The following IFT88 variants were observed in gnomAD, a reference collection of about 807,000 sequenced individuals.
IFT88 encodes the protein intraflagellar transport 88.
IFT88 carries 74 observed loss-of-function variants against 119.5 expected under a neutral mutation model. The ratio of observed to expected loss-of-function variants is 0.62; its 90% CI spans 0.51 to 0.75. IFT88 has a LOEUF of 0.75. Among genes scored for constraint, IFT88 ranks in the 30% least tolerant of loss-of-function variants. The probability of loss-of-function intolerance (pLI) is 0.00; values close to 1 mark genes in which losing one functional copy is unlikely to be tolerated. For synonymous variants in IFT88, 279 were observed against 316.7 expected, an observed-to-expected ratio of 0.88 and a Z score of 1.26; for missense variants, 961 against 977.7, an observed-to-expected ratio of 0.98 and a Z score of 0.23.
intron 3 of IFT88, among the ~76,000 whole-genome samples, chr13:20,585,607 C>T (rs1213763712): frequency 4.6e-5 from 7 of 152,182 alleles, no homozygotes; most frequent in Non-Finnish European, 1.0e-4. Flanking sequence ...AGGCTAGTAA[C>T]TCCAGAAGCT....
intron 13 of IFT88, 22 bp downstream of exon 13, chr13:20,605,127 C>T (rs371018393): frequency 1.3e-4 from 134 of 1,013,340 alleles, no homozygotes; most frequent in Admixed American, 1.3e-3. Flanking sequence ...AACTTAATAA[C>T]GTAGTTATTA....
intron 13 of IFT88, 72 bp downstream of exon 13, chr13:20,605,177 A>AT: frequency 1.7e-6 from 1 of 580,260 alleles, no homozygotes; most frequent in Non-Finnish European, 2.9e-6. Context: ...GTATTAAGAT[A>AT]CTTAATATTT....
intron 16 of IFT88, among the ~76,000 whole-genome samples, chr13:20,632,559 G>A (rs1231271881): frequency 2.0e-5 from 3 of 152,182 alleles, no homozygotes; most frequent in African/African-American, 4.8e-5. Flanking sequence ...AGATTTCCAA[G>A]AACTGCCCTT....
At chr13:20,619,729 G>C (rs892132812) in intron 14 of IFT88, among the ~76,000 whole-genome samples, 2 of 151,940 alleles carry the variant, frequency 1.3e-5, no homozygotes, top group African/African-American at 4.8e-5. Flanking sequence ...ATTTCTGTTA[G>C]ATACATACCT....
At chr13:20,648,835 T>C (rs1389736376) in intron 20 of IFT88, among the ~76,000 whole-genome samples, 1 of 152,182 alleles carries the variant, frequency 6.6e-6, no homozygotes, top group African/African-American at 2.4e-5. Context: ...GAAAAAGATA[T>C]TCCAAACAAA....
At chr13:20,636,386 GTTC>G (rs1336376826) in intron 16 of IFT88, among the ~76,000 whole-genome samples, 1 of 152,192 alleles carries the variant, frequency 6.6e-6, no homozygotes, top group Non-Finnish European at 1.5e-5. Context: ...GCAAGTCCTG[GTTC>G]TTCTATATTT....
chr13:20,646,810 C>T (rs1000994266), intron 20 of IFT88, among the ~76,000 whole-genome samples: 3 of 151,298 alleles, frequency 2.0e-5, no homozygotes, highest in Non-Finnish European at 4.4e-5. Context: ...TACTAGATTG[C>T]TTAATTGGTC....
At chr13:20,614,561 T>C (rs1017928621) in intron 13 of IFT88, 3 of 152,070 alleles carry the variant, frequency 2.0e-5, no homozygotes, top group South Asian at 2.1e-4. Context: ...TTAGGAGAGA[T>C]GAAGAAGGGG....
chr13:20,690,600 C>A, intron 24 of IFT88, 105 bp from the exon 25 acceptor site: 1 of 715,516 alleles, frequency 1.4e-6, no homozygotes, highest in Non-Finnish European at 2.4e-6. Flanking sequence ...CCAAATTAAA[C>A]AACCTGCTTG....
intron 9 of IFT88, among the ~76,000 whole-genome samples, chr13:20,597,474 G>T (rs979776502): frequency 6.6e-6 from 1 of 152,060 alleles, no homozygotes; most frequent in Non-Finnish European, 1.5e-5. Context: ...GCCGGGTGCC[G>T]TGGCTCACGC....
chr13:20,581,074 T>C (rs550264576), intron 2 of IFT88, among the ~76,000 whole-genome samples: 29 of 152,294 alleles, frequency 1.9e-4, no homozygotes, highest in Non-Finnish European at 1.5e-5. Context: ...CTCCTCAGGT[T>C]GTTGCACTGT....
At chr13:20,587,983 A>G (rs1445241845) in intron 3 of IFT88, among the ~76,000 whole-genome samples, 1 of 128,262 alleles carries the variant, frequency 7.8e-6, no homozygotes, top group African/African-American at 2.8e-5. Flanking sequence ...TAAATTTGCT[A>G]TCTTACTATT....
At chr13:20,599,743 AGTTAAAG>A (rs1422707585) in intron 11 of IFT88, among the ~76,000 whole-genome samples, 178 bp downstream of exon 11, 1 of 152,130 alleles carries the variant, frequency 6.6e-6, no homozygotes, top group Non-Finnish European at 1.5e-5. Flanking sequence ...TATAATGACA[AGTTAAAG>A]GTTAAAGCAT....
intron 23 of IFT88, among the ~76,000 whole-genome samples, chr13:20,667,796 G>C (rs1218737964): frequency 6.6e-6 from 1 of 151,950 alleles, no homozygotes; most frequent in African/African-American, 2.4e-5. Context: ...AGCTGTATAA[G>C]CTTCTGGCCC....
At chr13:20,578,203 C>A (rs1249097024) in intron 2 of IFT88, among the ~76,000 whole-genome samples, 2 of 151,330 alleles carry the variant, frequency 1.3e-5, no homozygotes, top group East Asian at 3.9e-4. Flanking sequence ...TGCCACCACG[C>A]CTGGCTAATT....
chr13:20,571,041 A>G (rs1315508978), intron 1 of IFT88, among the ~76,000 whole-genome samples: 1 of 151,900 alleles, frequency 6.6e-6, no homozygotes, highest in African/African-American at 2.4e-5. Context: ...TCGCCTAGGC[A>G]GGGGTGTGGT....
chr13:20,667,843 T>C (rs994279509), intron 23 of IFT88, among the ~76,000 whole-genome samples: 3 of 152,156 alleles, frequency 2.0e-5, no homozygotes, highest in Non-Finnish European at 4.4e-5. Flanking sequence ...CACCATTCTT[T>C]ATCCTTCCAG....
Position 20,598,716 on chromosome 13 carries a change from T to C in IFT88, c.660T>C (p.Tyr220=), listed in dbSNP as rs561906001. ...TGTATGCCGAAGCACTTAACACTTA[T>C]CAAGTTATAGTCAAAAATAAGATGT... is the stretch of plus-strand genomic sequence containing the variant. ...NEMYAEALNT[Y]QVIVKNKMFS... The change falls in exon 10 of 26, where the codon TAT becomes TAC. Residue 220 remains tyrosine (Y), a synonymous_variant. Coordinates refer to ENST00000351808, the MANE Select transcript of IFT88 (RefSeq NM_006531.5). The C allele has an allele frequency of 1.4e-5, 22 of 1,610,332 alleles. No homozygotes were observed. Among genetic ancestry groups the C allele is most frequent in the African/African-American group, 5.3e-5 (4 of 74,966 alleles).
At chr13:20,619,613 C>A (rs1452461631) in intron 14 of IFT88, among the ~76,000 whole-genome samples, 1 of 151,626 alleles carries the variant, frequency 6.6e-6, no homozygotes, top group African/African-American at 2.4e-5. Context: ...AAAATGTATC[C>A]ATTTCAATGT....
Sources: gnomAD v4.1 joint callset for allele counts (sites outside exome capture counted in the v4.1 genomes callset) on GRCh38, gnomAD v4.1.1 for gene constraint, MANE v1.5 for transcripts, NCBI Gene and HGNC (gene_info 2026-07-23, HGNC 2026-07-21) for gene names.